RAB31: variants seen among roughly 807,000 people sequenced by gnomAD.
RAB31 encodes ras-related protein Rab-31.
RAB31 carries 21 observed loss-of-function variants against 25.6 expected under a neutral mutation model. That is an observed-to-expected ratio of 0.82 (90% CI 0.58 to 1.18). The LOEUF (loss-of-function observed/expected upper bound fraction) is 1.18. Among genes scored for constraint, RAB31 ranks in the 50% most tolerant of loss-of-function variants. The pLI is 0.00. For missense variants in RAB31, 196 were observed against 250.1 expected (o/e 0.78, Z 1.46); for synonymous variants, 87 against 84.0 (o/e 1.04, Z -0.20).
At chr18:9,807,117 T>G (rs1302675271) in intron 3 of RAB31, among the ~76,000 whole-genome samples, 1 of 152,086 alleles carries the variant, frequency 6.6e-6, no homozygotes, top group Non-Finnish European at 1.5e-5. Context: ...TGGGGCTGGG[T>G]CTGAAGGCCG....
rs146271938 is a variant in RAB31 at position 9,787,124 on chromosome 18, C to G, written c.120-5030C>G. On this transcript the variant is annotated intron_variant, in intron 2 of 6. Transcript: ENST00000578921. ...TATGAATGTCGTCAAGTTGAAAAGT[C>G]TGTCAGCAATGGTTCCTCAGTTTCA... is the stretch of plus-strand genomic sequence containing the variant. The G allele has an allele frequency of 6.4e-4, 139 of 218,378 alleles. No homozygotes were observed. The East Asian group carries it at 0.013, about 21-fold the overall frequency. The allele number at this position is 218,378 out of a possible 1,614,324, so 13.5% of individuals were successfully genotyped here.
chr18:9,777,043 T>TA (rs1413052110), intron 2 of RAB31, among the ~76,000 whole-genome samples: 3 of 151,936 alleles, frequency 2.0e-5, no homozygotes, highest in South Asian at 2.1e-4. Flanking sequence ...ATTGCAAAAT[T>TA]TAAAAAAATA....
At position 9,766,932 on chromosome 18, in the gene RAB31, G is replaced by A. The variant is rs1351870270; in HGVS notation, c.40-8346G>A. 1.3e-5 allele frequency among the ~76,000 whole-genome samples: 2 copies of A among 152,166 alleles called. No individual in the cohort carries two copies. The highest frequency in any genetic ancestry group is 4.8e-5 in the African/African-American group (2 of 41,430). On this transcript the variant is annotated intron_variant, in intron 1 of 6. Coordinates refer to ENST00000578921, the MANE Select transcript of RAB31 (RefSeq NM_006868.4). This position sits in a 1 kb window ranked among gnomAD's most constrained non-coding sequence, Gnocchi z 4.3. ...ATGTTGTGCCACTGTAATCCAGCCT[G>A]GGTGACAGAGTGAGATCTTGTCTCA...
intron 3 of RAB31, among the ~76,000 whole-genome samples, chr18:9,806,773 C>T (rs1254015885): frequency 2.0e-5 from 3 of 152,060 alleles, no homozygotes; most frequent in South Asian, 2.1e-4. Flanking sequence ...AGGAATGGAG[C>T]GGGAGGTGAG....
At chr18:9,800,736 C>T (rs16955643) in intron 3 of RAB31, among the ~76,000 whole-genome samples, 5,851 of 152,226 alleles carry the variant, frequency 0.038, 220 homozygotes, top group South Asian at 0.16. Flanking sequence ...TGCTTTTGTC[C>T]ACATTTGTTT....
In RAB31 at chr18:9,754,835, A is replaced by G. The variant is rs78824446; in HGVS notation, c.40-20443A>G. 4.0e-3 allele frequency among the ~76,000 whole-genome samples: 614 copies of G among 152,332 alleles called. 6 individuals are homozygous for G. The highest frequency in any genetic ancestry group is 0.013 in the African/African-American group (542 of 41,582). On this transcript the variant is annotated intron_variant, in intron 1 of 6. Transcript: ENST00000578921. The stretch of plus-strand genomic sequence containing the variant: ...AACTGTATGTACTGTTGAATCTCCA[A>G]TGTCTAACACAGTGCCTGGTGTGGC...
At chr18:9,784,036 A>T (rs147248823) in intron 2 of RAB31, among the ~76,000 whole-genome samples, 2 of 152,104 alleles carry the variant, frequency 1.3e-5, no homozygotes, top group African/African-American at 4.8e-5. Context: ...ATGTATTTTT[A>T]TACATTTATA....
chr18:9,824,786 C>T (rs2284139), intron 5 of RAB31, among the ~76,000 whole-genome samples: 12,620 of 152,204 alleles, frequency 0.083, 754 homozygotes, highest in East Asian at 0.3. Context: ...GGTTCCTGAT[C>T]TTGGTGAGAG....
Position 9,744,974 on chromosome 18 carries a change from G to T in RAB31, c.40-30304G>T, listed in dbSNP as rs141740517. On this transcript the variant is annotated intron_variant, in intron 1 of 6. Transcript: ENST00000578921. ...TAGGAAATACAGAGTGAAGAGAAATGAAATAGAGAATAGAAAAATAATAGG... is the reference window on the plus strand; with the variant it reads ...TAGGAAATACAGAGTGAAGAGAAATTAAATAGAGAATAGAAAAATAATAGG... Among the ~76,000 whole-genome samples, 170 of 152,158 alleles carry T rather than the reference G, an allele frequency of 1.1e-3. 4 individuals carry two copies. The East Asian group carries it at 0.028, about 25-fold the overall frequency.
intron 1 of RAB31, among the ~76,000 whole-genome samples, chr18:9,724,862 C>T (rs1382417007): frequency 6.6e-6 from 1 of 152,184 alleles, no homozygotes; most frequent in Non-Finnish European, 1.5e-5. Flanking sequence ...TAACAAACTA[C>T]CCTGACCTCA....
intron 5 of RAB31, among the ~76,000 whole-genome samples, chr18:9,833,501 C>T (rs2068689469): frequency 6.6e-6 from 1 of 152,110 alleles, no homozygotes; most frequent in Non-Finnish European, 1.5e-5. Context: ...AGTGGTGCTC[C>T]CTTTAAGTTA....
intron 3 of RAB31, among the ~76,000 whole-genome samples, chr18:9,810,804 T>C (rs537789902): frequency 6.6e-6 from 1 of 152,338 alleles, no homozygotes; most frequent in South Asian, 2.1e-4. Flanking sequence ...GAAATAAAGT[T>C]TGTATTGACT....
At chr18:9,733,780 T>C (rs1158637300) in intron 1 of RAB31, among the ~76,000 whole-genome samples, 1 of 151,968 alleles carries the variant, frequency 6.6e-6, no homozygotes, top group Non-Finnish European at 1.5e-5. Flanking sequence ...CCCTTGCCCA[T>C]CCTTCCCTCA....
At chr18:9,772,679 C>T (rs1437909332) in intron 1 of RAB31, among the ~76,000 whole-genome samples, 1 of 152,136 alleles carries the variant, frequency 6.6e-6, no homozygotes, top group Admixed American at 6.5e-5. Context: ...TGAGCGTGGT[C>T]GGTGTTGGGG....
intron 1 of RAB31, among the ~76,000 whole-genome samples, chr18:9,736,424 A>G (rs2068151555): frequency 6.6e-6 from 1 of 152,098 alleles, no homozygotes; most frequent in Non-Finnish European, 1.5e-5. Flanking sequence ...GATGATGCTC[A>G]GGGTACTGGA....
chr18:9,844,048 C>G (rs565602867), intron 5 of RAB31, among the ~76,000 whole-genome samples: 18 of 152,352 alleles, frequency 1.2e-4, no homozygotes, highest in African/African-American at 4.1e-4. Flanking sequence ...TCTTCCTTCT[C>G]TTTTCCAATA....
At chr18:9,834,065 G>A (rs1000298714) in intron 5 of RAB31, among the ~76,000 whole-genome samples, 8 of 152,176 alleles carry the variant, frequency 5.3e-5, no homozygotes, top group Admixed American at 2.0e-4. Flanking sequence ...TAGACACATT[G>A]AACAAATTAT....
chr18:9,715,752 G>C (rs889267348), intron 1 of RAB31, among the ~76,000 whole-genome samples: 4 of 152,104 alleles, frequency 2.6e-5, no homozygotes, highest in Non-Finnish European at 2.9e-5. Context: ...GGCTGGTCTC[G>C]AACTCCTGGC....
chr18:9,745,259 C>T (rs987812274), intron 1 of RAB31, among the ~76,000 whole-genome samples: 1 of 151,436 alleles, frequency 6.6e-6, no homozygotes, highest in African/African-American at 2.4e-5. Context: ...CAAGAAGAAA[C>T]AGAAAGTCTG....
Sources: allele counts gnomAD v4.1 joint callset (sites outside exome capture counted in the v4.1 genomes callset), GRCh38; gene constraint gnomAD v4.1.1; non-coding constraint Gnocchi (gnomAD v3.1); transcripts MANE v1.5; gene names NCBI Gene and HGNC (gene_info 2026-07-23, HGNC 2026-07-21).